C18orf54: variants seen among roughly 807,000 people sequenced by gnomAD.
The protein encoded by C18orf54 is chromosome 18 open reading frame 54, also known as lung adenoma susceptibility protein 2.
A neutral mutation model predicts 49.3 loss-of-function variants in C18orf54; 49 were observed. The ratio of observed to expected loss-of-function variants is 0.99; its 90% CI spans 0.79 to 1.26. The LOEUF is 1.26. Among genes scored for constraint, C18orf54 ranks in the 50% most tolerant of loss-of-function variants. The pLI, the probability that C18orf54 is intolerant of heterozygous loss-of-function variation, is 0.00. For synonymous variants in C18orf54, 211 were observed against 216.6 expected, an observed-to-expected ratio of 0.97 and a Z score of 0.23; for missense variants, 687 against 620.6, an observed-to-expected ratio of 1.11 and a Z score of -1.14.
Position 54,360,607 on chromosome 18 carries a change from C to T in C18orf54, c.35C>T (p.Ser12Phe), listed in dbSNP as rs1480048348. ...AKSKTKHRLC[S>F]QESSVSALLA... is the part of the protein sequence containing the mutation. ...TCAAAGACAAAACATAGACTTTGTTCTCAGGAATCTTCAGTATCTGCCCTG... is the reference window on the plus strand; with the variant it reads ...TCAAAGACAAAACATAGACTTTGTTTTCAGGAATCTTCAGTATCTGCCCTG... Residue 12 changes from serine (S) to phenylalanine (F), a missense_variant, in exon 3 of 9, where the codon TCT becomes TTT. Physicochemically the swap from Ser to Phe is radical, Grantham distance 155. Coordinates refer to ENST00000620105, the MANE Select transcript of C18orf54 (RefSeq NM_001288980.2). 6.2e-7 allele frequency: 1 copy of T among 1,614,038 alleles called. No homozygotes were observed. The highest frequency in any genetic ancestry group is 2.2e-5 in the East Asian group (1 of 44,874).
chr18:54,373,245 G>A (rs1319269221), intron 7 of C18orf54, among the ~76,000 whole-genome samples: 1 of 151,594 alleles, frequency 6.6e-6, no homozygotes, highest in African/African-American at 2.4e-5. Flanking sequence ...TGCAATATTT[G>A]TGCAAATCAT....
intron 6 of C18orf54, among the ~76,000 whole-genome samples, chr18:54,371,575 C>G (rs2089486924): frequency 6.6e-6 from 1 of 152,060 alleles, no homozygotes; most frequent in Non-Finnish European, 1.5e-5. Context: ...ATACTGTTTT[C>G]TACAATGGCT....
At position 54,360,520 on chromosome 18, in the gene C18orf54, A is replaced by T; in HGVS notation, c.-46-7A>T. The stretch of plus-strand genomic sequence containing the variant: ...TGGCATCTTAACATTTCGTTTTTGT[A>T]TTACAGTTGTTTTTAAGGGAAATGA... On this transcript the variant is annotated splice_region_variant and splice_polypyrimidine_tract_variant and intron_variant, in intron 2 of 8. Transcript: ENST00000620105. 1 of 1,571,786 alleles carries T rather than the reference A, an allele frequency of 6.4e-7. No homozygotes were observed. The highest frequency in any genetic ancestry group is 8.7e-7 in the Non-Finnish European group (1 of 1,155,764).
In C18orf54 at chr18:54,379,504, T is replaced by G. The variant is rs1217704823; in HGVS notation, c.*1258T>G. ...ACTACAGTGAGCTCTGTGGGGTTTT[T>G]TTTTTTTTTTTTTGCCCGTGAGTTT... On this transcript the variant is annotated 3_prime_UTR_variant, in exon 9 of 9. Coordinates refer to ENST00000620105, the MANE Select transcript of C18orf54 (RefSeq NM_001288980.2). The G allele has an allele frequency of 6.6e-6, 1 of 151,404 alleles. No individual in the cohort carries two copies. Among genetic ancestry groups the G allele is most frequent in the Non-Finnish European group, 1.5e-5 (1 of 67,762 alleles). 9.4% of individuals were successfully genotyped at this position (151,404 alleles called of 1,614,324 possible).
chr18:54,368,573 T>C (rs1347701439), intron 6 of C18orf54, among the ~76,000 whole-genome samples: 2 of 152,008 alleles, frequency 1.3e-5, no homozygotes, highest in African/African-American at 4.8e-5. Context: ...AATGCAGTAA[T>C]AGTAATATAT....
intron 7 of C18orf54, among the ~76,000 whole-genome samples, 175 bp from the exon 8 acceptor site, chr18:54,374,035 TGTTA>T (rs1269118432): frequency 6.6e-6 from 1 of 151,888 alleles, no homozygotes; most frequent in Admixed American, 6.6e-5. Flanking sequence ...GAAAAATGGC[TGTTA>T]GTTGTAGTGT....
At chr18:54,374,353 G>A in intron 8 of C18orf54, 69 bp downstream of exon 8, 2 of 1,463,758 alleles carry the variant, frequency 1.4e-6, no homozygotes, top group South Asian at 1.5e-5. Context: ...TAAAGTTACA[G>A]GGTAGAAGTA....
At chr18:54,363,139 C>G (rs371358865) in intron 5 of C18orf54, among the ~76,000 whole-genome samples, 9 of 152,136 alleles carry the variant, frequency 5.9e-5, no homozygotes, top group African/African-American at 2.2e-4. Flanking sequence ...GTCTTTGTTA[C>G]GTACTCATTT....
At chr18:54,375,232 G>A (rs2089550813) in intron 8 of C18orf54, among the ~76,000 whole-genome samples, 1 of 151,766 alleles carries the variant, frequency 6.6e-6, no homozygotes, top group South Asian at 2.1e-4. Context: ...AAGTGCTATT[G>A]AATATAATTC....
intron 6 of C18orf54, among the ~76,000 whole-genome samples, chr18:54,367,040 T>C (rs1332478360): frequency 6.6e-6 from 1 of 152,118 alleles, no homozygotes; most frequent in Non-Finnish European, 1.5e-5. Flanking sequence ...ACTTTATGTG[T>C]ATCTTTAAAG....
chr18:54,360,324 C>T (rs530167010), intron 2 of C18orf54, among the ~76,000 whole-genome samples: 3 of 151,996 alleles, frequency 2.0e-5, no homozygotes, highest in African/African-American at 7.2e-5. Flanking sequence ...AGTAGGTACT[C>T]AAAAAATGTT....
intron 1 of C18orf54, among the ~76,000 whole-genome samples, chr18:54,358,390 G>T (rs2089190859): frequency 1.3e-5 from 2 of 152,064 alleles, no homozygotes; most frequent in South Asian, 2.1e-4. Flanking sequence ...TGGGGCTGTC[G>T]CTTCGGAACA....
At position 54,360,951 on chromosome 18, in the gene C18orf54, CT is replaced by C. The variant is rs542113343; in HGVS notation, c.283+99del. On this transcript the variant is annotated intron_variant, in intron 3 of 8. Coordinates refer to ENST00000620105, the MANE Select transcript of C18orf54 (RefSeq NM_001288980.2). Reference sequence around the variant, plus strand: ...GTAAAGTTTGACATTATTTTTGTTACTTTGGAGTAAAAATAACATAATATTG... The same window carrying C: ...GTAAAGTTTGACATTATTTTTGTTACTTGGAGTAAAAATAACATAATATTG... 3.5e-4 allele frequency: 423 copies of C among 1,224,200 alleles called. 1 individual carries two copies. The Middle Eastern group carries it at 5.2e-3, about 15-fold the overall frequency. The allele number at this position is 1,224,200 out of a possible 1,614,324, so 75.8% of individuals were successfully genotyped here.
At chr18:54,375,472 A>G (rs932382550) in intron 8 of C18orf54, among the ~76,000 whole-genome samples, 31 of 148,028 alleles carry the variant, frequency 2.1e-4, no homozygotes, top group African/African-American at 7.0e-4. Context: ...TCTAGTATGA[A>G]GACTTCATTC....
At chr18:54,364,947 AG>A (rs2089351858) in intron 5 of C18orf54, among the ~76,000 whole-genome samples, 1 of 152,046 alleles carries the variant, frequency 6.6e-6, no homozygotes, top group Non-Finnish European at 1.5e-5. Context: ...AGAATAAGAG[AG>A]AAATAGGTTG....
In C18orf54 at chr18:54,362,030, CT is replaced by C; in HGVS notation, c.674del (p.Phe225SerfsTer29). The C allele has an allele frequency of 6.3e-7, 1 of 1,588,536 alleles. No homozygotes were observed. The highest frequency in any genetic ancestry group is 1.8e-5 in the Admixed American group (1 of 57,122). On this transcript the variant is annotated frameshift_variant, in exon 4 of 9. Coordinates refer to ENST00000620105, the MANE Select transcript of C18orf54 (RefSeq NM_001288980.2). LOFTEE classifies it high-confidence loss of function. ...ESSLSFPKKSSFKDSSEHSLE... is the reference protein window; with the variant it reads ...ESSLSFPKKSXFKDSSEHSLE... ...TCTTTGTCTTTTCCCAAGAAATCGT[CT>C]TTCAAGGACAGTTCAGAACACAGTC...
At position 54,380,820 on chromosome 18, in the gene C18orf54, C is replaced by G. The variant is rs531514524; in HGVS notation, c.*2574C>G. ...CCTGTGTTACAGACGCATGGAATTG[C>G]TCCTGTAGATTTGAATTTTTGTTTC... is the stretch of plus-strand genomic sequence containing the variant. On this transcript the variant is annotated 3_prime_UTR_variant, in exon 9 of 9. Coordinates refer to ENST00000620105, the MANE Select transcript of C18orf54 (RefSeq NM_001288980.2). 6.6e-6 allele frequency: 1 copy of G among 152,196 alleles called. No individual in the cohort carries two copies. Among genetic ancestry groups the G allele is most frequent in the East Asian group, 1.9e-4 (1 of 5,190 alleles). The allele number at this position is 152,196 out of a possible 1,614,324, so 9.4% of individuals were successfully genotyped here.
At chr18:54,370,026 TAAC>T (rs1172702041) in intron 6 of C18orf54, among the ~76,000 whole-genome samples, 9 of 152,002 alleles carry the variant, frequency 5.9e-5, no homozygotes, top group Admixed American at 3.9e-4. Context: ...AAACATAATT[TAAC>T]ACTTTGGGAG....
chr18:54,372,356 T>C, intron 6 of C18orf54, 110 bp from the exon 7 acceptor site: 1 of 1,053,026 alleles, frequency 9.5e-7, no homozygotes, highest in Non-Finnish European at 1.3e-6. Context: ...TGACATACAT[T>C]GTTTGGAGTT....
Sources: allele counts gnomAD v4.1 joint callset (sites outside exome capture counted in the v4.1 genomes callset), GRCh38; gene constraint gnomAD v4.1.1; transcripts MANE v1.5; gene names NCBI Gene and HGNC (gene_info 2026-07-23, HGNC 2026-07-21).